Variants in RBM38 observed in about 807,000 individuals in gnomAD.
RBM38 encodes the protein RNA-binding protein 38.
In RBM38, 11 loss-of-function variants were observed where a neutral mutation model predicts 23.5. That is an observed-to-expected ratio of 0.47 (90% confidence interval 0.29 to 0.77). The LOEUF is 0.77. Among genes scored for constraint, RBM38 ranks in the 30% least tolerant of loss-of-function variants. The pLI, the probability that RBM38 is intolerant of heterozygous loss-of-function variation, is 0.08. For synonymous variants in RBM38, 165 were observed against 166.1 expected (o/e 0.99, Z 0.05); for missense variants, 330 against 351.9 (o/e 0.94, Z 0.50).
intron 3 of RBM38, among the ~76,000 whole-genome samples, chr20:57,399,634 G>A (rs1305247172): frequency 6.6e-6 from 1 of 152,212 alleles, no homozygotes; most frequent in African/African-American, 2.4e-5. Flanking sequence ...TCCGGGCCTG[G>A]CATTGCCCCA....
At chr20:57,392,144 G>T (rs539571942) in intron 1 of RBM38, 4 of 246,850 alleles carry the variant, frequency 1.6e-5, no homozygotes, top group Non-Finnish European at 2.4e-5. Flanking sequence ...GGAGCAGCGG[G>T]GGGTGAGGAG....
rs960127185 is a variant in RBM38 at position 57,404,030 on chromosome 20, G to A, written c.417-3513G>A. Among the ~76,000 whole-genome samples, 5 of 152,326 alleles carry A rather than the reference G, an allele frequency of 3.3e-5. No individual in the cohort carries two copies. In the East Asian group the frequency reaches 9.6e-4, roughly 29 times the overall value. On this transcript the variant is annotated intron_variant, in intron 3 of 3. Transcript: ENST00000356208. ...AAGGGTCAGGAAACAGGAGAGCCCC[G>A]CCTTCCTCCCCAGCCTAAACATTGC...
rs1417034617 is a variant in RBM38 at position 57,392,338 on chromosome 20, G to A, written c.238-316G>A. 9 of 1,219,072 alleles carry A rather than the reference G, an allele frequency of 7.4e-6. No individual in the cohort carries two copies. In the African/African-American group the frequency reaches 1.4e-4, roughly 18 times the overall value. The allele number at this position is 1,219,072 out of a possible 1,614,324, so 75.5% of individuals were successfully genotyped here. A position where few individuals can be genotyped will look rare whatever the true frequency, so the allele number is the denominator to read the frequency against. ...GGAAAGTCTCGGCCCTCACTGGTGG[G>A]CAAGTCCAGGCGGCCCCCCAAGCTC... On this transcript the variant is annotated intron_variant, in intron 1 of 3. Coordinates refer to ENST00000356208, the MANE Select transcript of RBM38 (RefSeq NM_017495.6).
chr20:57,401,505 T>G (rs2067327945), intron 3 of RBM38, among the ~76,000 whole-genome samples: 1 of 152,178 alleles, frequency 6.6e-6, no homozygotes, highest in Admixed American at 6.5e-5. Flanking sequence ...CTCTTTTGCC[T>G]CCCAGCTACC....
chr20:57,404,373 A>G (rs943150703), intron 3 of RBM38, among the ~76,000 whole-genome samples: 1 of 152,258 alleles, frequency 6.6e-6, no homozygotes, highest in Admixed American at 6.5e-5. Context: ...TGTCTGAGGC[A>G]GGGGCATCAC....
In RBM38 at chr20:57,406,807, C is replaced by CA. The variant is rs200601595; in HGVS notation, c.417-735dup. The stretch of plus-strand genomic sequence containing the variant: ...AGGAGATCGGGACCATCCTGGCTAA[C>CA]ACGGTGAAACCTCATCTCTACTAAA... On this transcript the variant is annotated intron_variant, in intron 3 of 3. Transcript: ENST00000356208. Among the ~76,000 whole-genome samples, 1,009 of 152,218 alleles carry CA rather than the reference C, an allele frequency of 6.6e-3. 14 individuals are homozygous for CA. The highest frequency in any genetic ancestry group is 0.018 in the African/African-American group (749 of 41,544).
intron 3 of RBM38, among the ~76,000 whole-genome samples, chr20:57,401,189 G>A (rs1457357472): frequency 6.6e-6 from 1 of 152,192 alleles, no homozygotes; most frequent in Non-Finnish European, 1.5e-5. Flanking sequence ...GCATTCCTCA[G>A]GCCCAAGGAG....
At chr20:57,397,940 G>A (rs1427977889) in intron 3 of RBM38, among the ~76,000 whole-genome samples, 1 of 152,178 alleles carries the variant, frequency 6.6e-6, no homozygotes, top group Admixed American at 6.5e-5. Context: ...GTACAGTGGT[G>A]GGGAGATGTG....
intron 2 of RBM38, 74 bp from the exon 3 acceptor site, chr20:57,393,205 T>C: frequency 7.0e-7 from 1 of 1,425,004 alleles, no homozygotes; most frequent in Admixed American, 1.7e-5. Context: ...TGTGGGATTC[T>C]GCCACCCTGT....
Position 57,396,830 on chromosome 20 carries a change from C to G in RBM38, c.416+3497C>G, listed in dbSNP as rs77365850. 6.9e-3 allele frequency among the ~76,000 whole-genome samples: 1,050 copies of G among 152,292 alleles called. 13 individuals carry two copies. The highest frequency in any genetic ancestry group is 0.019 in the African/African-American group (784 of 41,556). ...CCTCATGGTCACAAGATGACTGCCA[C>G]GGCTCCAGACATCCCACCCACGTTC... On this transcript the variant is annotated intron_variant, in intron 3 of 3. Coordinates refer to ENST00000356208, the MANE Select transcript of RBM38 (RefSeq NM_017495.6).
At chr20:57,395,489 C>T (rs2067264679) in intron 3 of RBM38, among the ~76,000 whole-genome samples, 2 of 152,164 alleles carry the variant, frequency 1.3e-5, no homozygotes, top group South Asian at 4.1e-4. Context: ...GCTGGCTGGC[C>T]ATTTAATACT....
chr20:57,404,664 T>G (rs573611928), intron 3 of RBM38, among the ~76,000 whole-genome samples: 1 of 152,216 alleles, frequency 6.6e-6, no homozygotes, highest in East Asian at 1.9e-4. Flanking sequence ...GTCAGCACCA[T>G]GTGCCCAGTG....
intron 3 of RBM38, among the ~76,000 whole-genome samples, chr20:57,400,334 G>T (rs2067314988): frequency 1.3e-5 from 2 of 152,206 alleles, no homozygotes; most frequent in Non-Finnish European, 2.9e-5. Flanking sequence ...GTGTGAACGG[G>T]AAGGGAGGCA....
intron 3 of RBM38, among the ~76,000 whole-genome samples, chr20:57,402,569 C>T (rs764493719): frequency 8.5e-5 from 13 of 152,196 alleles, no homozygotes; most frequent in African/African-American, 2.4e-4. Flanking sequence ...GTGGGTGGGG[C>T]GGCGTGCAGC....
At chr20:57,400,085 G>T in intron 3 of RBM38, 1 of 440,414 alleles carries the variant, frequency 2.3e-6, no homozygotes, top group Non-Finnish European at 4.6e-6. Flanking sequence ...GGAGGCCCAA[G>T]CCCTCTGTCT....
At chr20:57,399,341 G>A (rs1042966083) in intron 3 of RBM38, among the ~76,000 whole-genome samples, 7 of 152,204 alleles carry the variant, frequency 4.6e-5, no homozygotes, top group African/African-American at 1.4e-4. Flanking sequence ...CTGGACTGCC[G>A]AGGGTATTGT....
intron 3 of RBM38, among the ~76,000 whole-genome samples, chr20:57,406,976 AG>A (rs1195027221): frequency 4.0e-5 from 6 of 149,064 alleles, no homozygotes; most frequent in African/African-American, 1.3e-4. Context: ...CCTGGGGAAC[AG>A]AGCGAGACTC....
chr20:57,392,339 C>A, intron 1 of RBM38: 1 of 1,230,634 alleles, frequency 8.1e-7, no homozygotes, highest in Non-Finnish European at 1.1e-6. Context: ...CACTGGTGGG[C>A]AAGTCCAGGC....
At chr20:57,404,013 G>A (rs552100942) in intron 3 of RBM38, among the ~76,000 whole-genome samples, 1 of 152,356 alleles carries the variant, frequency 6.6e-6, no homozygotes, top group East Asian at 1.9e-4. Context: ...GCAAGGGTCA[G>A]GAAACAGGAG....
Sources: allele counts gnomAD v4.1 joint callset (sites outside exome capture counted in the v4.1 genomes callset), GRCh38; gene constraint gnomAD v4.1.1; transcripts MANE v1.5; gene names NCBI Gene and HGNC (gene_info 2026-07-23, HGNC 2026-07-21).